TAFA1: variants seen among roughly 807,000 people sequenced by gnomAD.
The protein encoded by TAFA1 is chemokine-like protein TAFA-1.
In TAFA1, 4 loss-of-function variants were observed where a neutral mutation model predicts 18.5. The ratio of observed to expected loss-of-function variants is 0.22; its 90% CI spans 0.11 to 0.49. TAFA1 has a LOEUF of 0.49. Ranked by LOEUF, TAFA1 falls within the 20% of genes least tolerant of loss-of-function variation. The pLI is 0.98. For missense variants in TAFA1, 147 were observed against 169.0 expected, an observed-to-expected ratio of 0.87 and a Z score of 0.72; for synonymous variants, 56 against 55.2, an observed-to-expected ratio of 1.01 and a Z score of -0.06.
intron 2 of TAFA1, among the ~76,000 whole-genome samples, chr3:68,206,355 T>C (rs1283331258): frequency 2.0e-5 from 3 of 151,868 alleles, no homozygotes; most frequent in Admixed American, 6.6e-5. Flanking sequence ...ATGAGATAGA[T>C]GTTTTCTTTT....
intron 2 of TAFA1, among the ~76,000 whole-genome samples, chr3:68,060,035 G>T (rs2106722972): frequency 6.6e-6 from 1 of 152,016 alleles, no homozygotes; most frequent in East Asian, 1.9e-4. Context: ...ATGCTAAAGG[G>T]GCTTGCTCCA....
At chr3:68,118,505 T>C (rs987367710) in intron 2 of TAFA1, among the ~76,000 whole-genome samples, 1 of 152,158 alleles carries the variant, frequency 6.6e-6, no homozygotes, top group Non-Finnish European at 1.5e-5. Context: ...ACCCCTGCTC[T>C]ATACCTTTCA....
rs200479574 is a variant in TAFA1, at chr3:68,255,851, TA to T, written c.119-161427del. Among the ~76,000 whole-genome samples, 840 of 152,224 alleles carry T rather than the reference TA, an allele frequency of 5.5e-3. 35 individuals carry two copies. In the East Asian group the frequency reaches 0.11, roughly 20 times the overall value. ...TCCATTTCTCTGGCTAACAGGCAGT[TA>T]AGTCTGTAATACACTGATATTTCAG... is the stretch of plus-strand genomic sequence containing the variant. On this transcript the variant is annotated intron_variant, in intron 2 of 4. Transcript: ENST00000478136.
At chr3:68,249,264 C>G (rs1273416680) in intron 2 of TAFA1, among the ~76,000 whole-genome samples, 1 of 152,204 alleles carries the variant, frequency 6.6e-6, no homozygotes. Flanking sequence ...GTCCCTGACT[C>G]TGCCTTTCCC....
chr3:68,069,630 A>C (rs1324352344), intron 2 of TAFA1, among the ~76,000 whole-genome samples: 1 of 152,202 alleles, frequency 6.6e-6, no homozygotes, highest in African/African-American at 2.4e-5. Flanking sequence ...AAAAGTTCAC[A>C]GTCCAAAGTC....
intron 3 of TAFA1, among the ~76,000 whole-genome samples, chr3:68,423,283 T>C (rs1376166251): frequency 6.6e-6 from 1 of 152,154 alleles, no homozygotes; most frequent in African/African-American, 2.4e-5. Flanking sequence ...ACTCTAACCC[T>C]ATAAGGTATG....
At chr3:68,481,897 C>T (rs891304095) in intron 3 of TAFA1, among the ~76,000 whole-genome samples, 16 of 152,206 alleles carry the variant, frequency 1.1e-4, no homozygotes, top group Non-Finnish European at 2.1e-4. Flanking sequence ...CAGTAATGGT[C>T]TTCTAGTTGC....
intron 2 of TAFA1, among the ~76,000 whole-genome samples, chr3:68,378,893 T>C (rs1397144929): frequency 2.6e-5 from 4 of 152,192 alleles, no homozygotes; most frequent in Non-Finnish European, 5.9e-5. Context: ...CCCCTTTGCC[T>C]TCTGCCACGT....
intron 3 of TAFA1, among the ~76,000 whole-genome samples, chr3:68,421,176 G>T (rs2136716): frequency 0.15 from 22,134 of 152,126 alleles, 2,133 homozygotes; most frequent in East Asian, 0.33. Flanking sequence ...CCACATAACA[G>T]TAATATTTTT....
intron 2 of TAFA1, among the ~76,000 whole-genome samples, chr3:68,345,884 C>CT (rs1373047429): frequency 6.6e-6 from 1 of 152,060 alleles, no homozygotes; most frequent in Non-Finnish European, 1.5e-5. Context: ...TGCACATTCT[C>CT]TTTTTTAGAG....
intron 2 of TAFA1, among the ~76,000 whole-genome samples, chr3:68,358,078 A>G (rs1165001261): frequency 6.6e-6 from 1 of 151,966 alleles, no homozygotes; most frequent in African/African-American, 2.4e-5. Context: ...ACCAACATTC[A>G]ACAAGGCTGT....
chr3:68,312,047 C>T (rs1339564494), intron 2 of TAFA1, among the ~76,000 whole-genome samples: 1 of 152,202 alleles, frequency 6.6e-6, no homozygotes, highest in Non-Finnish European at 1.5e-5. Flanking sequence ...GCTGCCAAGG[C>T]TTGCAGCTTC....
chr3:68,032,692 G>C (rs1205557383), intron 2 of TAFA1, among the ~76,000 whole-genome samples: 3 of 151,890 alleles, frequency 2.0e-5, no homozygotes, highest in Non-Finnish European at 4.4e-5. Flanking sequence ...TTCCCTCCCA[G>C]ACTCCTGTGT....
intron 2 of TAFA1, among the ~76,000 whole-genome samples, chr3:68,310,927 A>G (rs1018965264): frequency 1.3e-5 from 2 of 152,046 alleles, no homozygotes; most frequent in African/African-American, 4.8e-5. Context: ...GTCCATTTTC[A>G]TGCTGCTGAT....
chr3:68,094,792 G>A (rs2065068568), intron 2 of TAFA1, among the ~76,000 whole-genome samples: 1 of 152,150 alleles, frequency 6.6e-6, no homozygotes, highest in African/African-American at 2.4e-5. Flanking sequence ...GGATGTTAGT[G>A]TTCTTGCTGC....
At chr3:68,178,133 G>T (rs1277431157) in intron 2 of TAFA1, among the ~76,000 whole-genome samples, 2 of 148,342 alleles carry the variant, frequency 1.3e-5, no homozygotes, top group Non-Finnish European at 3.0e-5. Context: ...GAGAGTGCGA[G>T]ACTCCATCCC....
intron 2 of TAFA1, among the ~76,000 whole-genome samples, chr3:68,209,379 A>T (rs529223858): frequency 1.3e-5 from 2 of 152,226 alleles, no homozygotes; most frequent in South Asian, 4.1e-4. Flanking sequence ...CCTTCCATGC[A>T]GAATATTACA....
intron 2 of TAFA1, among the ~76,000 whole-genome samples, chr3:68,153,846 C>A (rs146456339): frequency 6.1e-4 from 93 of 152,212 alleles, no homozygotes; most frequent in African/African-American, 2.0e-3. Flanking sequence ...GCTTAGATTG[C>A]TGCGTGAAAA....
In TAFA1 at chr3:68,427,004, G is replaced by GA. The variant is rs557088738; in HGVS notation, c.259+9586dup. Among the ~76,000 whole-genome samples, 504 of 151,946 alleles carry GA rather than the reference G, an allele frequency of 3.3e-3. 4 individuals are homozygous for GA. Among genetic ancestry groups the GA allele is most frequent in the African/African-American group, 0.011 (475 of 41,524 alleles). ...AGCCCATCTATATAGCCACTTAAGA[G>GA]AAGCAAAATTCTCTGTATAAACATC... On this transcript the variant is annotated intron_variant, in intron 3 of 4. Coordinates refer to ENST00000478136, the MANE Select transcript of TAFA1 (RefSeq NM_213609.4).
Sources: gnomAD v4.1 joint callset for allele counts (sites outside exome capture counted in the v4.1 genomes callset) on GRCh38, gnomAD v4.1.1 for gene constraint, MANE v1.5 for transcripts, NCBI Gene and HGNC (gene_info 2026-07-23, HGNC 2026-07-21) for gene names.